The following DNAH8 variants were observed in gnomAD, a reference collection of about 807,000 sequenced individuals.
The protein encoded by DNAH8 is axonemal beta dynein heavy chain 8.
DNAH8 carries 382 observed loss-of-function variants against 562.1 expected under a neutral mutation model. That is an observed-to-expected ratio of 0.68 (90% CI 0.63 to 0.74). The LOEUF (loss-of-function observed/expected upper bound fraction) is 0.74. Among genes scored for constraint, DNAH8 ranks in the 30% least tolerant of loss-of-function variants. The probability of loss-of-function intolerance (pLI) is 0.00; values close to 1 mark genes in which losing one functional copy is unlikely to be tolerated. For missense variants in DNAH8, 5,203 were observed against 5,620.4 expected (o/e 0.93, Z 2.37); for synonymous variants, 1,881 against 1,919.4 (o/e 0.98, Z 0.52).
At chr6:38,786,295 CTATT>C (rs2127648007) in intron 17 of DNAH8, among the ~76,000 whole-genome samples, 1 of 152,212 alleles carries the variant, frequency 6.6e-6, no homozygotes, top group Admixed American at 6.5e-5. Context: ...GATTTTGAGC[CTATT>C]TATCAGAAAT....
intron 81 of DNAH8, 43 bp from the exon 82 acceptor site, chr6:38,951,275 G>T: frequency 1.3e-6 from 2 of 1,543,630 alleles, no homozygotes; most frequent in South Asian, 1.1e-5. Flanking sequence ...GATAAAAATT[G>T]AACACGTTTA....
chr6:38,895,560 T>C (rs1485484349), intron 59 of DNAH8, among the ~76,000 whole-genome samples: 1 of 152,228 alleles, frequency 6.6e-6, no homozygotes, highest in Non-Finnish European at 1.5e-5. Flanking sequence ...AGTCATCTTT[T>C]GGAGCCTCCA....
chr6:38,805,636 A>G, intron 23 of DNAH8, 40 bp downstream of exon 23: 1 of 1,192,476 alleles, frequency 8.4e-7, no homozygotes, highest in Non-Finnish European at 1.2e-6. Context: ...TCACAGAATT[A>G]TGGTTTATAG....
chr6:38,823,399 T>A (rs1773047917), intron 27 of DNAH8, among the ~76,000 whole-genome samples, 163 bp from the exon 28 acceptor site: 2 of 152,188 alleles, frequency 1.3e-5, no homozygotes, highest in African/African-American at 4.8e-5. Context: ...CTGCAGACTG[T>A]GAAATTCCTC....
At chr6:38,892,470 G>T (rs1452212194) in intron 58 of DNAH8, among the ~76,000 whole-genome samples, 1 of 151,886 alleles carries the variant, frequency 6.6e-6, no homozygotes, top group Admixed American at 6.6e-5. Flanking sequence ...AAAATTACTG[G>T]GCACCATCCT....
At chr6:38,737,015 G>A (rs915511685) in intron 5 of DNAH8, 52 bp from the exon 6 acceptor site, 20 of 1,315,202 alleles carry the variant, frequency 1.5e-5, no homozygotes, top group Non-Finnish European at 1.7e-5. Context: ...TGATTTTTCA[G>A]TTCTTTAGTG....
intron 29 of DNAH8, among the ~76,000 whole-genome samples, 173 bp from the exon 30 acceptor site, chr6:38,828,011 A>G (rs1366042798): frequency 6.6e-6 from 1 of 152,058 alleles, no homozygotes; most frequent in Non-Finnish European, 1.5e-5. Context: ...CAGAGTTAGT[A>G]TCTGGTAGTC....
chr6:38,950,531 C>T (rs973046510), intron 81 of DNAH8, among the ~76,000 whole-genome samples: 1 of 151,766 alleles, frequency 6.6e-6, no homozygotes, highest in African/African-American at 2.4e-5. Flanking sequence ...GCTCCGCCTC[C>T]CGGGTTCACT....
chr6:38,870,372 T>C, intron 48 of DNAH8, 29 bp from the exon 49 acceptor site: 1 of 1,602,304 alleles, frequency 6.2e-7, no homozygotes, highest in East Asian at 2.2e-5. Flanking sequence ...ACTGAATGAG[T>C]AAATTTATTT....
At chr6:38,796,929 C>T (rs1192079705) in intron 21 of DNAH8, among the ~76,000 whole-genome samples, 1 of 152,176 alleles carries the variant, frequency 6.6e-6, no homozygotes, top group Non-Finnish European at 1.5e-5. Context: ...ATATTAAATT[C>T]TCTAATTTTA....
intron 64 of DNAH8, among the ~76,000 whole-genome samples, chr6:38,908,653 A>T (rs1780662393): frequency 6.6e-6 from 1 of 152,170 alleles, no homozygotes; most frequent in Non-Finnish European, 1.5e-5. Flanking sequence ...CCCAGGCTCA[A>T]GCCATCCTCT....
chr6:38,972,782 T>C (rs765388598), intron 83 of DNAH8, among the ~76,000 whole-genome samples: 82 of 152,166 alleles, frequency 5.4e-4, no homozygotes, highest in Non-Finnish European at 9.1e-4. Context: ...GCTGGCATTG[T>C]GGAACACAGA....
In DNAH8 at chr6:38,879,444, C is replaced by A. The variant is rs530617051; in HGVS notation, c.7859-3466C>A. Among the ~76,000 whole-genome samples, 6 of 152,176 alleles carry A rather than the reference C, an allele frequency of 3.9e-5. 1 individual carries two copies. The South Asian group carries it at 1.2e-3, about 32-fold the overall frequency. The stretch of plus-strand genomic sequence containing the variant: ...GGAAGATCAACATTCAAAAACTGAT[C>A]AATATAATCTGCCATATAAGACTAA... On this transcript the variant is annotated intron_variant, in intron 53 of 92. Transcript: ENST00000327475.
intron 88 of DNAH8, among the ~76,000 whole-genome samples, chr6:38,995,564 A>T (rs374603622): frequency 3.5e-4 from 53 of 152,334 alleles, no homozygotes; most frequent in African/African-American, 1.1e-3. Context: ...TCACCACTGC[A>T]GTCAATATTT....
intron 88 of DNAH8, among the ~76,000 whole-genome samples, chr6:38,991,872 T>G (rs745515699): frequency 7.9e-5 from 12 of 152,204 alleles, no homozygotes; most frequent in Non-Finnish European, 1.6e-4. Flanking sequence ...GGCTGTGCTA[T>G]TTAAAGATTG....
chr6:38,910,727 A>G (rs1780824948), intron 65 of DNAH8, among the ~76,000 whole-genome samples: 1 of 152,160 alleles, frequency 6.6e-6, no homozygotes, highest in Non-Finnish European at 1.5e-5. Context: ...TCTGAATGTA[A>G]TATTTTTACA....
Position 38,852,774 on chromosome 6 carries a change from A to G in DNAH8, c.5547A>G (p.Ile1849Met). The change falls in exon 40 of 93, where the codon ATA (isoleucine) becomes ATG (methionine). Residue 1849 changes from isoleucine to methionine, a missense_variant. By Grantham distance (10) the Ile-to-Met change is conservative. This residue lies in a region of DNAH8 where 2,176 missense variants were observed against 2,365.1 expected (regional missense o/e 0.92). Coordinates refer to ENST00000327475, the MANE Select transcript of DNAH8 (RefSeq NM_001206927.2). ...ACTATGATCGCATCATGGCCGTCAT[A>G]TCAAGAGAAGGAGAAAAAATTGTTG... is the stretch of plus-strand genomic sequence containing the variant. ...AKDYDRIMAV[I>M]SREGEKIVLD... 1 of 1,613,216 alleles carries G rather than the reference A, an allele frequency of 6.2e-7. No individual in the cohort carries two copies. The highest frequency in any genetic ancestry group is 8.5e-7 in the Non-Finnish European group (1 of 1,179,540).
intron 48 of DNAH8, among the ~76,000 whole-genome samples, chr6:38,868,907 A>G (rs931335555): frequency 3.3e-5 from 5 of 151,714 alleles, no homozygotes; most frequent in Non-Finnish European, 7.4e-5. Context: ...CCTGGACTCA[A>G]GTGATCCACC....
At chr6:38,752,318 C>T (rs1378279356) in intron 9 of DNAH8, among the ~76,000 whole-genome samples, 2 of 151,308 alleles carry the variant, frequency 1.3e-5, no homozygotes, top group Non-Finnish European at 2.9e-5. Context: ...TGCATGCCAC[C>T]ATGCCCGGCT....
Sources: gnomAD v4.1 joint callset for allele counts (sites outside exome capture counted in the v4.1 genomes callset) on GRCh38, gnomAD v4.1.1 for gene constraint, gnomAD v4.1.1 regional missense constraint, MANE v1.5 for transcripts, NCBI Gene and HGNC (gene_info 2026-07-23, HGNC 2026-07-21) for gene names.